PDE4B: variants seen among roughly 807,000 people sequenced by gnomAD.
PDE4B encodes the protein phosphodiesterase 4B.
PDE4B carries 20 observed loss-of-function variants against 82.2 expected under a neutral mutation model. The observed-to-expected ratio is 0.24, with a 90% confidence interval of 0.17 to 0.35. The LOEUF is 0.35. Among genes scored for constraint, PDE4B ranks in the 10% least tolerant of loss-of-function variants. The pLI is 1.00. For synonymous variants in PDE4B, 320 were observed against 318.9 expected, an observed-to-expected ratio of 1.00 and a Z score of -0.04; for missense variants, 655 against 907.2, an observed-to-expected ratio of 0.72 and a Z score of 3.57.
intron 7 of PDE4B, among the ~76,000 whole-genome samples, chr1:66,306,761 A>G (rs1197048253): frequency 6.6e-6 from 1 of 152,162 alleles, no homozygotes; most frequent in Non-Finnish European, 1.5e-5. Context: ...GTGATCACTC[A>G]GTAAGTTAGT....
intron 3 of PDE4B, among the ~76,000 whole-genome samples, chr1:66,096,528 A>ATGTATATATT (rs1458655207): frequency 7.1e-6 from 1 of 141,052 alleles, no homozygotes; most frequent in Non-Finnish European, 1.5e-5. Context: ...ATATATATAT[A>ATGTATATATT]TATATATATA....
At chr1:66,274,424 C>T (rs142547235) in intron 7 of PDE4B, among the ~76,000 whole-genome samples, 3,161 of 152,034 alleles carry the variant, frequency 0.021, 88 homozygotes, top group African/African-American at 0.068. Flanking sequence ...CCACCCTCCT[C>T]GGCCTCCCAA....
intron 7 of PDE4B, among the ~76,000 whole-genome samples, chr1:66,292,429 C>T (rs1264741916): frequency 6.6e-6 from 1 of 152,134 alleles, no homozygotes; most frequent in African/African-American, 2.4e-5. Flanking sequence ...ATACTTTTGC[C>T]TTTGAAGGCC....
At chr1:66,001,869 C>T (rs768328637) in intron 3 of PDE4B, among the ~76,000 whole-genome samples, 33 of 151,996 alleles carry the variant, frequency 2.2e-4, no homozygotes, top group Non-Finnish European at 4.0e-4. Context: ...ACTACAGGCA[C>T]GTGCCACCAC....
intron 3 of PDE4B, among the ~76,000 whole-genome samples, chr1:66,057,256 G>GTT (rs1307684915): frequency 1.3e-5 from 2 of 152,072 alleles, no homozygotes; most frequent in African/African-American, 4.8e-5. Context: ...TAATAGACAT[G>GTT]TTTCCCACTC....
At chr1:65,992,856 A>G (rs754361560) in intron 3 of PDE4B, 19 of 1,592,164 alleles carry the variant, frequency 1.2e-5, no homozygotes, top group Admixed American at 5.3e-5. Context: ...TGTCTCTGCT[A>G]TGTTTGAGAT....
intron 7 of PDE4B, among the ~76,000 whole-genome samples, chr1:66,295,432 T>C (rs1657437403): frequency 6.6e-6 from 1 of 152,178 alleles, no homozygotes; most frequent in South Asian, 2.1e-4. Context: ...CTATTCTTTT[T>C]GTTTTGTTTT....
At chr1:65,812,536 T>C (rs1240423895) in intron 1 of PDE4B, among the ~76,000 whole-genome samples, 2 of 152,140 alleles carry the variant, frequency 1.3e-5, no homozygotes, top group African/African-American at 4.8e-5. Flanking sequence ...GACAGTAAAA[T>C]GTCAGGGTGG....
At chr1:66,151,301 T>A (rs1262071945) in intron 3 of PDE4B, among the ~76,000 whole-genome samples, 1 of 152,178 alleles carries the variant, frequency 6.6e-6, no homozygotes, top group Non-Finnish European at 1.5e-5. Context: ...ATTGCCTACA[T>A]GTTAAAATTT....
chr1:65,870,544 T>C (rs969592008), intron 1 of PDE4B, among the ~76,000 whole-genome samples: 8 of 152,220 alleles, frequency 5.3e-5, no homozygotes, highest in African/African-American at 1.9e-4. Context: ...AACAAATTAA[T>C]ACCTTTCCAT....
chr1:65,872,688 A>G (rs1278874392), intron 1 of PDE4B, among the ~76,000 whole-genome samples: 1 of 152,214 alleles, frequency 6.6e-6, no homozygotes, highest in Non-Finnish European at 1.5e-5. Flanking sequence ...AGCATGCTTC[A>G]TTGAATACTT....
chr1:66,292,817 G>A (rs1657185039), intron 7 of PDE4B, among the ~76,000 whole-genome samples: 1 of 152,116 alleles, frequency 6.6e-6, no homozygotes, highest in Admixed American at 6.6e-5. Context: ...GACTCCCTAA[G>A]ACACTAATTC....
At chr1:66,247,400 A>G in intron 3 of PDE4B, 60 bp from the exon 4 acceptor site, 1 of 1,206,954 alleles carries the variant, frequency 8.3e-7, no homozygotes, top group African/African-American at 1.5e-5. Context: ...TTCTCAGTGT[A>G]TACTATGTGT....
At chr1:66,143,729 A>C (rs1240761526) in intron 3 of PDE4B, among the ~76,000 whole-genome samples, 1 of 152,232 alleles carries the variant, frequency 6.6e-6, no homozygotes, top group Non-Finnish European at 1.5e-5. Context: ...CAGAAGTTGA[A>C]ATATAAGCAG....
chr1:66,186,518 T>C (rs970946315), intron 3 of PDE4B, among the ~76,000 whole-genome samples: 13 of 152,172 alleles, frequency 8.5e-5, no homozygotes, highest in African/African-American at 2.7e-4. Context: ...CATTGAGCAG[T>C]GGTTTGTAGT....
chr1:65,859,991 C>T (rs1457577905), intron 1 of PDE4B, among the ~76,000 whole-genome samples: 1 of 152,134 alleles, frequency 6.6e-6, no homozygotes, highest in South Asian at 2.1e-4. Context: ...TAGAGCTAAT[C>T]TGGTGAAACA....
At chr1:66,223,157 G>A (rs1651139180) in intron 3 of PDE4B, among the ~76,000 whole-genome samples, 1 of 152,022 alleles carries the variant, frequency 6.6e-6, no homozygotes, top group Non-Finnish European at 1.5e-5. Context: ...CATTTTAGAG[G>A]CACAAATAAA....
At chr1:66,216,129 TGGG>T (rs958768592) in intron 3 of PDE4B, among the ~76,000 whole-genome samples, 3 of 151,996 alleles carry the variant, frequency 2.0e-5, no homozygotes, top group East Asian at 1.9e-4. Context: ...AACATTATTT[TGGG>T]TGTGTCGGTG....
At chr1:66,278,985 T>A (rs2101773355) in intron 7 of PDE4B, among the ~76,000 whole-genome samples, 1 of 152,300 alleles carries the variant, frequency 6.6e-6, no homozygotes. Context: ...GACCTGGTTT[T>A]CCTTTATTCC....
Sources: gnomAD v4.1 joint callset for allele counts (sites outside exome capture counted in the v4.1 genomes callset) on GRCh38, gnomAD v4.1.1 for gene constraint, MANE v1.5 for transcripts, NCBI Gene and HGNC (gene_info 2026-07-23, HGNC 2026-07-21) for gene names.